Variants in L3MBTL4 observed in about 807,000 individuals in gnomAD.
L3MBTL4 encodes the protein lethal(3)malignant brain tumor-like protein 4.
Under a neutral mutation model 84.5 loss-of-function variants are expected in L3MBTL4, and 70 were observed. The observed-to-expected ratio is 0.83, with a 90% CI of 0.68 to 1.01. The LOEUF (loss-of-function observed/expected upper bound fraction) is 1.01. Ranked by LOEUF, L3MBTL4 falls within the 50% of genes least tolerant of loss-of-function variation. The probability of loss-of-function intolerance (pLI) is 0.00; values close to 1 mark genes in which losing one functional copy is unlikely to be tolerated. For synonymous variants in L3MBTL4, 274 were observed against 259.8 expected (o/e 1.05, Z -0.52); for missense variants, 715 against 754.8 (o/e 0.95, Z 0.62).
intron 16 of L3MBTL4, among the ~76,000 whole-genome samples, chr18:6,048,069 A>G (rs1288075902): frequency 2.0e-5 from 3 of 152,248 alleles, no homozygotes; most frequent in Non-Finnish European, 4.4e-5. Flanking sequence ...TCAGGATGCA[A>G]AAACCAATGT....
At chr18:6,313,086 C>T (rs1202863923) in intron 1 of L3MBTL4, among the ~76,000 whole-genome samples, 1 of 152,204 alleles carries the variant, frequency 6.6e-6, no homozygotes, top group Non-Finnish European at 1.5e-5. Context: ...ATTTCTTGTG[C>T]ATACCTTTAT....
chr18:6,260,042 G>C (rs989637884), intron 5 of L3MBTL4: 2 of 152,136 alleles, frequency 1.3e-5, no homozygotes, highest in African/African-American at 2.4e-5. Flanking sequence ...TTATTGAATA[G>C]GGAGTCCTTT....
chr18:6,400,857 G>A (rs191205923), intron 1 of L3MBTL4, among the ~76,000 whole-genome samples: 14 of 152,286 alleles, frequency 9.2e-5, no homozygotes, highest in Admixed American at 9.2e-4. Context: ...CAAGCCACCT[G>A]TTACAGACCT....
At chr18:6,313,568 G>A (rs2050939499) in intron 1 of L3MBTL4, among the ~76,000 whole-genome samples, 1 of 152,150 alleles carries the variant, frequency 6.6e-6, no homozygotes, top group African/African-American at 2.4e-5. Flanking sequence ...GTAATACTCT[G>A]AACATCTATG....
chr18:6,304,996 T>C (rs1386459708), intron 3 of L3MBTL4, among the ~76,000 whole-genome samples: 1 of 152,198 alleles, frequency 6.6e-6, no homozygotes, highest in Non-Finnish European at 1.5e-5. Flanking sequence ...AGAAAAAATA[T>C]TCCACACAAA....
At chr18:6,303,781 C>G (rs67525632) in intron 3 of L3MBTL4, among the ~76,000 whole-genome samples, 30,300 of 151,818 alleles carry the variant, frequency 0.2, 3,223 homozygotes, top group African/African-American at 0.27. Flanking sequence ...GGAAGGCTGA[C>G]GCGGGAGGAT....
At chr18:6,274,646 C>A (rs1273389804) in intron 4 of L3MBTL4, among the ~76,000 whole-genome samples, 1 of 152,148 alleles carries the variant, frequency 6.6e-6, no homozygotes. Flanking sequence ...CTCCTCTTCC[C>A]TGCCTATTGT....
At chr18:6,158,289 A>T (rs772566317) in intron 13 of L3MBTL4, among the ~76,000 whole-genome samples, 6 of 152,220 alleles carry the variant, frequency 3.9e-5, no homozygotes, top group African/African-American at 1.2e-4. Context: ...GTCAAATGAA[A>T]AATAATAGTG....
intron 13 of L3MBTL4, among the ~76,000 whole-genome samples, chr18:6,165,081 G>A (rs1456289365): frequency 6.6e-6 from 1 of 152,184 alleles, no homozygotes; most frequent in East Asian, 1.9e-4. Context: ...AAGGGTATCA[G>A]CAATGGAAGG....
chr18:6,040,819 C>T (rs1052164557), intron 16 of L3MBTL4, among the ~76,000 whole-genome samples: 1 of 152,192 alleles, frequency 6.6e-6, no homozygotes, highest in Non-Finnish European at 1.5e-5. Context: ...TCCTGCCATT[C>T]CCATGGCTGG....
At chr18:6,197,244 T>A (rs2045442521) in intron 12 of L3MBTL4, among the ~76,000 whole-genome samples, 2 of 152,352 alleles carry the variant, frequency 1.3e-5, no homozygotes, top group African/African-American at 4.8e-5. Context: ...TTAGCTATTT[T>A]TCCCAAAGCT....
chr18:6,216,162 C>T (rs1381228312), intron 10 of L3MBTL4, among the ~76,000 whole-genome samples: 2 of 152,102 alleles, frequency 1.3e-5, no homozygotes, highest in East Asian at 3.8e-4. Flanking sequence ...ACAGAAGGCT[C>T]CTTAGCAGTT....
intron 1 of L3MBTL4, among the ~76,000 whole-genome samples, chr18:6,378,139 T>A (rs1223362979): frequency 2.0e-5 from 3 of 152,262 alleles, no homozygotes; most frequent in African/African-American, 7.2e-5. Flanking sequence ...TCTGTTCATA[T>A]CCTTTGCCCA....
intron 1 of L3MBTL4, among the ~76,000 whole-genome samples, chr18:6,376,434 C>A (rs2054372992): frequency 6.6e-6 from 1 of 152,216 alleles, no homozygotes; most frequent in Non-Finnish European, 1.5e-5. Context: ...ATCCTATCTA[C>A]AGGGTACATA....
At chr18:6,248,786 C>T (rs1052377840) in intron 5 of L3MBTL4, among the ~76,000 whole-genome samples, 2 of 152,206 alleles carry the variant, frequency 1.3e-5, no homozygotes, top group Non-Finnish European at 2.9e-5. Flanking sequence ...CTCTTTTTCA[C>T]AGCTGCATTG....
At chr18:6,009,913 A>G (rs1270990690) in intron 16 of L3MBTL4, among the ~76,000 whole-genome samples, 1 of 152,226 alleles carries the variant, frequency 6.6e-6, no homozygotes, top group Non-Finnish European at 1.5e-5. Flanking sequence ...CTACAAACAA[A>G]GCTGCCCATT....
chr18:6,316,779 A>G (rs2051123782), intron 1 of L3MBTL4, among the ~76,000 whole-genome samples: 1 of 152,126 alleles, frequency 6.6e-6, no homozygotes, highest in Admixed American at 6.6e-5. Flanking sequence ...CTGGCCTGGC[A>G]GAAGAACTAA....
chr18:6,027,642 C>T (rs536353871), intron 16 of L3MBTL4, among the ~76,000 whole-genome samples: 4 of 152,178 alleles, frequency 2.6e-5, no homozygotes, highest in African/African-American at 7.2e-5. Context: ...AACTAATTCA[C>T]GCTCCCACCA....
intron 1 of L3MBTL4, among the ~76,000 whole-genome samples, chr18:6,413,579 G>C (rs1479952689): frequency 1.3e-5 from 2 of 151,754 alleles, no homozygotes; most frequent in African/African-American, 4.9e-5. Flanking sequence ...GAATAGATTA[G>C]AAAACCGAAG....
Sources: allele counts gnomAD v4.1 joint callset (sites outside exome capture counted in the v4.1 genomes callset), GRCh38; gene constraint gnomAD v4.1.1; transcripts MANE v1.5; gene names NCBI Gene and HGNC (gene_info 2026-07-23, HGNC 2026-07-21).